The following IFT80 variants were observed in gnomAD, a reference collection of about 807,000 sequenced individuals.
The protein encoded by IFT80 is intraflagellar transport 80, also known as intraflagellar transport protein 80 homolog.
IFT80 carries 79 observed loss-of-function variants against 107.9 expected under a neutral mutation model. That is an observed-to-expected ratio of 0.73 (90% CI 0.61 to 0.88). The LOEUF (loss-of-function observed/expected upper bound fraction) is 0.88. Ranked by LOEUF, IFT80 falls within the 40% of genes least tolerant of loss-of-function variation. IFT80 has a pLI of 0.00. For missense variants in IFT80, 797 were observed against 914.2 expected, an observed-to-expected ratio of 0.87 and a Z score of 1.65; for synonymous variants, 299 against 300.9, an observed-to-expected ratio of 0.99 and a Z score of 0.07.
intron 16 of IFT80, 56 bp from the exon 17 acceptor site, chr3:160,277,726 T>C: frequency 8.9e-7 from 1 of 1,119,580 alleles, no homozygotes; most frequent in Non-Finnish European, 1.4e-6. Flanking sequence ...TGCCTTAAAA[T>C]AAGCAGTGAT....
intron 12 of IFT80, among the ~76,000 whole-genome samples, chr3:160,288,426 C>T (rs1715266744): frequency 6.6e-6 from 1 of 152,118 alleles, no homozygotes; most frequent in South Asian, 2.1e-4. Context: ...GACATGGGAA[C>T]AAGGAAAGAT....
At chr3:160,269,307 T>G (rs896323457) in intron 18 of IFT80, among the ~76,000 whole-genome samples, 3 of 152,158 alleles carry the variant, frequency 2.0e-5, no homozygotes, top group African/African-American at 7.2e-5. Flanking sequence ...GTGGTCCCAT[T>G]ATTTTGACCA....
At chr3:160,366,942 C>A (rs1427081735) in intron 5 of IFT80, among the ~76,000 whole-genome samples, 1 of 152,014 alleles carries the variant, frequency 6.6e-6, no homozygotes, top group Non-Finnish European at 1.5e-5. Flanking sequence ...CCTTTCCCAG[C>A]ATCTTGTTAC....
chr3:160,351,204 T>C (rs1576851949), intron 8 of IFT80, among the ~76,000 whole-genome samples: 1 of 151,858 alleles, frequency 6.6e-6, no homozygotes, highest in Admixed American at 6.6e-5. Flanking sequence ...GATCACCCTA[T>C]GCATAAAGTT....
At chr3:160,264,299 G>T (rs1372601526) in intron 19 of IFT80, among the ~76,000 whole-genome samples, 1 of 144,896 alleles carries the variant, frequency 6.9e-6, no homozygotes, top group Non-Finnish European at 1.5e-5. Context: ...GTAGAGACAA[G>T]ATTTCGCCAT....
chr3:160,298,619 T>C (rs1196808584), intron 12 of IFT80, among the ~76,000 whole-genome samples: 1 of 152,146 alleles, frequency 6.6e-6, no homozygotes, highest in Non-Finnish European at 1.5e-5. Context: ...ATGTGTTCAG[T>C]TGGGAACACA....
chr3:160,338,474 A>C (rs900573215), intron 8 of IFT80, among the ~76,000 whole-genome samples: 1 of 152,100 alleles, frequency 6.6e-6, no homozygotes, highest in Non-Finnish European at 1.5e-5. Flanking sequence ...CACTATAAAA[A>C]ATTAAAAATT....
In IFT80 at chr3:160,303,980, G is replaced by T; in HGVS notation, c.1086C>A (p.Asn362Lys). 6.2e-7 allele frequency: 1 copy of T among 1,608,032 alleles called. No individual in the cohort carries two copies. The highest frequency in any genetic ancestry group is 8.5e-7 in the Non-Finnish European group (1 of 1,174,846). The change falls in exon 11 of 20, where the codon AAC (asparagine) becomes AAA (lysine). Residue 362 changes from asparagine to lysine, a missense_variant. By Grantham distance (94) the Asn-to-Lys change is moderately conservative. Coordinates refer to ENST00000326448, the MANE Select transcript of IFT80 (RefSeq NM_020800.3). ...GATCAAATATAATTGGTGTGTTCCAGTTCTTCGTGCTAAAAGACAAGTAAA... is the reference window on the plus strand; with the variant it reads ...GATCAAATATAATTGGTGTGTTCCATTTCTTCGTGCTAAAAGACAAGTAAA... ...SLQCYVFSTK[N>K]WNTPIIFDLK...
chr3:160,350,587 C>A (rs992560193), intron 8 of IFT80, among the ~76,000 whole-genome samples: 3 of 152,108 alleles, frequency 2.0e-5, no homozygotes, highest in Non-Finnish European at 4.4e-5. Context: ...GAGGCCGAGG[C>A]AGGTGGATCA....
chr3:160,348,422 T>C (rs1720448775), intron 8 of IFT80, among the ~76,000 whole-genome samples: 1 of 152,186 alleles, frequency 6.6e-6, no homozygotes, highest in Non-Finnish European at 1.5e-5. Flanking sequence ...AGATCTGCCT[T>C]CTCACAGATA....
At chr3:160,288,427 A>G (rs1715266962) in intron 12 of IFT80, among the ~76,000 whole-genome samples, 1 of 152,236 alleles carries the variant, frequency 6.6e-6, no homozygotes. Flanking sequence ...ACATGGGAAC[A>G]AGGAAAGATT....
At chr3:160,361,614 G>A (rs540181781) in intron 6 of IFT80, among the ~76,000 whole-genome samples, 5 of 152,118 alleles carry the variant, frequency 3.3e-5, no homozygotes, top group South Asian at 2.1e-4. Context: ...AAAATTGACC[G>A]CATAGCAGGA....
chr3:160,357,450 G>T, intron 7 of IFT80, 39 bp downstream of exon 7: 3 of 1,087,094 alleles, frequency 2.8e-6, no homozygotes, highest in South Asian at 2.7e-5. Context: ...TTATAAATTT[G>T]ATTATTTCAG....
chr3:160,278,415 G>A lies in IFT80; in HGVS notation c.1837-745C>T, dbSNP rs1381381808. 2.6e-5 allele frequency among the ~76,000 whole-genome samples: 4 copies of A among 152,280 alleles called. No homozygotes were observed. The East Asian group carries it at 7.7e-4, about 29-fold the overall frequency. ...CCTGTGCTATGTAAATGTCACACCT[G>A]GTCAAACCAATCTGTGAGCACTATG... On this transcript the variant is annotated intron_variant, in intron 16 of 19. Transcript: ENST00000326448.
intron 8 of IFT80, among the ~76,000 whole-genome samples, chr3:160,335,335 C>A (rs1424755313): frequency 6.6e-6 from 1 of 151,732 alleles, no homozygotes; most frequent in East Asian, 1.9e-4. Context: ...GGTTCTCCTG[C>A]CTCAGCCTCC....
chr3:160,337,427 C>G (rs1228577526), intron 8 of IFT80, among the ~76,000 whole-genome samples: 1 of 151,960 alleles, frequency 6.6e-6, no homozygotes, highest in Non-Finnish European at 1.5e-5. Context: ...AGTTCAAGAC[C>G]AGCCTGGCCA....
intron 19 of IFT80, among the ~76,000 whole-genome samples, chr3:160,260,330 A>G (rs1712720037): frequency 6.6e-6 from 1 of 152,200 alleles, no homozygotes; most frequent in African/African-American, 2.4e-5. Context: ...ATATTTTTTA[A>G]ACGGCAAAGC....
chr3:160,341,603 T>A (rs1003295081), intron 8 of IFT80, among the ~76,000 whole-genome samples: 2 of 152,032 alleles, frequency 1.3e-5, no homozygotes, highest in African/African-American at 4.8e-5. Context: ...GAGGGAGCGT[T>A]TAAAATTGGG....
intron 9 of IFT80, among the ~76,000 whole-genome samples, chr3:160,314,651 G>T (rs2108290588): frequency 6.6e-6 from 1 of 152,224 alleles, no homozygotes; most frequent in South Asian, 2.1e-4. Context: ...ATTCTAAGTT[G>T]GGCAAACAAA....
Sources: gnomAD v4.1 joint callset for allele counts (sites outside exome capture counted in the v4.1 genomes callset) on GRCh38, gnomAD v4.1.1 for gene constraint, MANE v1.5 for transcripts, NCBI Gene and HGNC (gene_info 2026-07-23, HGNC 2026-07-21) for gene names.